The following CACNA2D3 variants were observed in gnomAD, a reference collection of about 807,000 sequenced individuals.
The protein encoded by CACNA2D3 is voltage-dependent calcium channel subunit alpha-2/delta-3.
Under a neutral mutation model 160.6 loss-of-function variants are expected in CACNA2D3, and 60 were observed. The ratio of observed to expected loss-of-function variants is 0.37; its 90% CI spans 0.30 to 0.46. CACNA2D3 has a LOEUF of 0.46. Ranked by LOEUF, CACNA2D3 falls within the 20% of genes least tolerant of loss-of-function variation. The pLI, the probability that CACNA2D3 is intolerant of heterozygous loss-of-function variation, is 1.00. For synonymous variants in CACNA2D3, 558 were observed against 492.9 expected, an observed-to-expected ratio of 1.13 and a Z score of -1.75; for missense variants, 1,205 against 1,365.0, an observed-to-expected ratio of 0.88 and a Z score of 1.85.
chr3:54,675,864 T>A (rs1430914730), intron 11 of CACNA2D3, among the ~76,000 whole-genome samples: 1 of 152,120 alleles, frequency 6.6e-6, no homozygotes, highest in African/African-American at 2.4e-5. Flanking sequence ...TTCCCAAACC[T>A]GACCTCTCCA....
intron 31 of CACNA2D3, among the ~76,000 whole-genome samples, chr3:54,993,044 C>T (rs1358165862): frequency 6.6e-6 from 1 of 152,152 alleles, no homozygotes; most frequent in Non-Finnish European, 1.5e-5. Context: ...AGAGCAGTAC[C>T]AAGGGGGGAA....
intron 2 of CACNA2D3, among the ~76,000 whole-genome samples, chr3:54,237,371 A>G (rs1047259327): frequency 6.6e-6 from 1 of 151,524 alleles, no homozygotes; most frequent in African/African-American, 2.4e-5. Context: ...AAACTTGTTT[A>G]CTTCCCAGAC....
chr3:54,763,014 G>T (rs1348406371), intron 12 of CACNA2D3, among the ~76,000 whole-genome samples: 8 of 151,112 alleles, frequency 5.3e-5, no homozygotes, highest in African/African-American at 1.9e-4. Context: ...TGTGAACCCG[G>T]GAGGCGGAGC....
chr3:55,039,954 T>C (rs751149575), intron 35 of CACNA2D3, among the ~76,000 whole-genome samples: 40 of 151,868 alleles, frequency 2.6e-4, no homozygotes, highest in Non-Finnish European at 5.3e-4. Context: ...TTAAGTCTAC[T>C]CTGGCTGCTG....
At position 54,514,489 on chromosome 3, in the gene CACNA2D3, G is replaced by A. The variant is rs139378903; in HGVS notation, c.544+10835G>A. Among the ~76,000 whole-genome samples, 901 of 152,270 alleles carry A rather than the reference G, an allele frequency of 5.9e-3. 9 individuals are homozygous for A. The highest frequency in any genetic ancestry group is 0.019 in the African/African-American group (802 of 41,540). On this transcript the variant is annotated intron_variant, in intron 5 of 37. Coordinates refer to ENST00000474759, the MANE Select transcript of CACNA2D3 (RefSeq NM_018398.3). ...GTGGAGCACCTCTAGCATGCCAGACGCTGCATGGGTGTGAGGAGGTGTGGT... is the reference window on the plus strand; with the variant it reads ...GTGGAGCACCTCTAGCATGCCAGACACTGCATGGGTGTGAGGAGGTGTGGT...
In CACNA2D3 at chr3:54,906,250, G is replaced by A. The variant is rs549140548; in HGVS notation, c.2449+6382G>A. On this transcript the variant is annotated intron_variant, in intron 27 of 37. Coordinates refer to ENST00000474759, the MANE Select transcript of CACNA2D3 (RefSeq NM_018398.3). ...TGAAAGGGAGGGAGGGAGGAAGAAG[G>A]AAGGAAGGAAGGATTGATTTCTAGT... 1.1e-4 allele frequency among the ~76,000 whole-genome samples: 16 copies of A among 152,234 alleles called. No homozygotes were observed. The South Asian group carries it at 3.3e-3, about 32-fold the overall frequency.
intron 3 of CACNA2D3, among the ~76,000 whole-genome samples, chr3:54,378,887 G>A (rs1194877089): frequency 1.3e-5 from 2 of 152,168 alleles, no homozygotes; most frequent in Admixed American, 6.5e-5. Context: ...TGTAGAATGC[G>A]ATGGCTTTGG....
intron 28 of CACNA2D3, among the ~76,000 whole-genome samples, chr3:54,969,252 ATAAAG>A (rs1209159811): frequency 2.1e-5 from 3 of 143,548 alleles, no homozygotes; most frequent in Non-Finnish European, 4.5e-5. Context: ...TAATGACAAC[ATAAAG>A]TAGACTTTTT....
intron 10 of CACNA2D3, chr3:54,639,660 C>T (rs1342896246): frequency 1.3e-5 from 3 of 234,978 alleles, no homozygotes; most frequent in African/African-American, 2.4e-5. Flanking sequence ...GACCTGAGGT[C>T]GTAGGTGGAT....
intron 2 of CACNA2D3, among the ~76,000 whole-genome samples, chr3:54,192,294 C>T (rs144252223): frequency 6.6e-6 from 1 of 151,998 alleles, no homozygotes; most frequent in South Asian, 2.1e-4. Flanking sequence ...AGAGTTTATG[C>T]TAAAGGGGAA....
At chr3:54,914,661 G>T (rs1408099131) in intron 27 of CACNA2D3, among the ~76,000 whole-genome samples, 2 of 152,174 alleles carry the variant, frequency 1.3e-5, no homozygotes, top group African/African-American at 2.4e-5. Flanking sequence ...CTCTGAATGG[G>T]GTAGGGGTTT....
chr3:54,158,465 G>C (rs4927998), intron 2 of CACNA2D3, among the ~76,000 whole-genome samples: 118,803 of 152,122 alleles, frequency 0.78, 46,832 homozygotes, highest in East Asian at 0.96. Flanking sequence ...CCACCCCAGT[G>C]AGAATTATGC....
intron 29 of CACNA2D3, among the ~76,000 whole-genome samples, chr3:54,972,400 G>T (rs763580052): frequency 2.6e-4 from 39 of 152,086 alleles, no homozygotes; most frequent in Non-Finnish European, 4.3e-4. Context: ...TCTCACCAAG[G>T]CCCCTTTCCA....
intron 4 of CACNA2D3, among the ~76,000 whole-genome samples, chr3:54,406,753 A>T (rs532047029): frequency 4.6e-5 from 7 of 152,246 alleles, no homozygotes; most frequent in African/African-American, 1.7e-4. Flanking sequence ...GCAACATGAG[A>T]ACTATAGTTA....
At chr3:54,869,350 T>G (rs1309119672) in intron 17 of CACNA2D3, among the ~76,000 whole-genome samples, 4 of 152,240 alleles carry the variant, frequency 2.6e-5, no homozygotes, top group Non-Finnish European at 4.4e-5. Flanking sequence ...GGCAATAAAT[T>G]GACCTTAAAG....
intron 11 of CACNA2D3, among the ~76,000 whole-genome samples, chr3:54,709,387 G>A (rs1460512047): frequency 6.6e-6 from 1 of 150,920 alleles, no homozygotes; most frequent in African/African-American, 2.4e-5. Context: ...TTAAAGAGAG[G>A]GTCTCCCTCT....
At position 54,687,115 on chromosome 3, in the gene CACNA2D3, C is replaced by CTTTTTTTTTTTTTTTTTT. The variant is rs1338617031; in HGVS notation, c.1167+44879_1167+44880insTTTTTTTTTTTTTTTTTT. ...TTATTCAAATCGGATTTTTCTTTTTCTTTTTCTTTTTTTTTTTTTGTTTTT... is the reference window on the plus strand; with the variant it reads ...TTATTCAAATCGGATTTTTCTTTTTCTTTTTTTTTTTTTTTTTTTTTTTCTTTTTTTTTTTTTGTTTTT... On this transcript the variant is annotated intron_variant, in intron 11 of 37. Coordinates refer to ENST00000474759, the MANE Select transcript of CACNA2D3 (RefSeq NM_018398.3). Among the ~76,000 whole-genome samples, 7 of 40,882 alleles carry CTTTTTTTTTTTTTTTTTT rather than the reference C, an allele frequency of 1.7e-4. 1 individual carries two copies. Among genetic ancestry groups the CTTTTTTTTTTTTTTTTTT allele is most frequent in the Non-Finnish European group, 2.5e-4 (5 of 19,640 alleles). The allele number at this position is 40,882 out of a possible 152,430, so 26.8% of individuals were successfully genotyped here.
intron 2 of CACNA2D3, among the ~76,000 whole-genome samples, chr3:54,299,410 T>A (rs1025007894): frequency 2.0e-5 from 3 of 152,178 alleles, no homozygotes; most frequent in Admixed American, 1.3e-4. Flanking sequence ...CAAGTCTGGG[T>A]GCTTCCTCAG....
intron 25 of CACNA2D3, among the ~76,000 whole-genome samples, chr3:54,894,160 A>G (rs538103075): frequency 5.9e-5 from 9 of 152,304 alleles, no homozygotes; most frequent in African/African-American, 1.9e-4. Context: ...AGCTCCTAGT[A>G]TCCAGGAGGA....
Sources: allele counts gnomAD v4.1 joint callset (sites outside exome capture counted in the v4.1 genomes callset), GRCh38; gene constraint gnomAD v4.1.1; transcripts MANE v1.5; gene names NCBI Gene and HGNC (gene_info 2026-07-23, HGNC 2026-07-21).